The following TRMT11 variants were observed in gnomAD, a reference collection of about 807,000 sequenced individuals.
The protein encoded by TRMT11 is tRNA methyltransferase 11.
Under a neutral mutation model 62.8 loss-of-function variants are expected in TRMT11, and 53 were observed. The ratio of observed to expected loss-of-function variants is 0.84; its 90% confidence interval spans 0.68 to 1.06. The LOEUF (loss-of-function observed/expected upper bound fraction) is 1.06, where lower values mean the gene tolerates loss of function less well. TRMT11 is among the 50% of genes least tolerant of loss of function. The pLI, the probability that TRMT11 is intolerant of heterozygous loss-of-function variation, is 0.00. For missense variants in TRMT11, 556 were observed against 553.4 expected, an observed-to-expected ratio of 1.00 and a Z score of -0.05; for synonymous variants, 188 against 190.3, an observed-to-expected ratio of 0.99 and a Z score of 0.10.
chr6:126,078,271 G>A (rs1777076485), intron 17 of TRMT11, among the ~76,000 whole-genome samples: 1 of 152,168 alleles, frequency 6.6e-6, no homozygotes, highest in Non-Finnish European at 1.5e-5. Flanking sequence ...GCAGCCATAT[G>A]TAAATCATTC....
At chr6:126,071,041 G>A (rs756114331) in intron 17 of TRMT11, among the ~76,000 whole-genome samples, 3 of 152,196 alleles carry the variant, frequency 2.0e-5, no homozygotes, top group Admixed American at 1.3e-4. Context: ...TGAAGAACAT[G>A]TGGAAGAAGG....
At chr6:126,089,724 G>A (rs541082093) in intron 17 of TRMT11, among the ~76,000 whole-genome samples, 1 of 152,202 alleles carries the variant, frequency 6.6e-6, no homozygotes, top group African/African-American at 2.4e-5. Flanking sequence ...CTTAATTTAA[G>A]TTCAACTGTA....
the TRMT11 span, among the ~76,000 whole-genome samples, chr6:126,237,200 C>T: frequency 1.3e-5 from 2 of 152,074 alleles, no homozygotes; most frequent in African/African-American, 4.8e-5. Flanking sequence ...TGTTTCAGTG[C>T]CCTATAAAAC....
intron 17 of TRMT11, among the ~76,000 whole-genome samples, chr6:126,098,626 C>A (rs1777364607): frequency 6.6e-6 from 1 of 152,172 alleles, no homozygotes; most frequent in Non-Finnish European, 1.5e-5. Context: ...TTTCTTTATT[C>A]TCTTGTTAGA....
intron 17 of TRMT11, among the ~76,000 whole-genome samples, chr6:126,100,065 G>A (rs748818362): frequency 2.0e-5 from 3 of 152,124 alleles, no homozygotes; most frequent in South Asian, 4.2e-4. Flanking sequence ...CATGCCCACC[G>A]GTGACACTCT....
In TRMT11 at chr6:126,085,813, C is replaced by A. The variant is rs186510597; in HGVS notation, c.*1438-27053C>A. Among the ~76,000 whole-genome samples the A allele has an allele frequency of 2.0e-5, 3 of 152,254 alleles. No homozygotes were observed. In the East Asian group the frequency reaches 5.8e-4, roughly 29 times the overall value. On this transcript the variant is annotated intron_variant and NMD_transcript_variant, in intron 17 of 22. Transcript: ENST00000648977. ...ACACTCTGTACATCAGAATTGAATC[C>A]TAAAGAAATATGTACTTTGGGCGAT...
At chr6:126,052,574 A>G (rs1562307410) in intron 16 of TRMT11, among the ~76,000 whole-genome samples, 1 of 152,084 alleles carries the variant, frequency 6.6e-6, no homozygotes, top group Non-Finnish European at 1.5e-5. Flanking sequence ...ATATATCCTT[A>G]TGCATTTGGC....
chr6:126,231,699 G>A, the TRMT11 span, among the ~76,000 whole-genome samples: 1 of 152,260 alleles, frequency 6.6e-6, no homozygotes, highest in East Asian at 1.9e-4. Flanking sequence ...CTTACCTTGG[G>A]ATACTTTGCC....
At chr6:126,071,981 T>C (rs916252209) in intron 17 of TRMT11, among the ~76,000 whole-genome samples, 3 of 152,170 alleles carry the variant, frequency 2.0e-5, no homozygotes, top group African/African-American at 7.2e-5. Context: ...CTGATGCTGC[T>C]GCCACCAAAT....
chr6:126,251,648 G>A, the TRMT11 span, among the ~76,000 whole-genome samples: 1 of 152,100 alleles, frequency 6.6e-6, no homozygotes, highest in African/African-American at 2.4e-5. Flanking sequence ...CCAGCCCGTG[G>A]TAACCTCCAT....
At chr6:126,060,289 T>C (rs145409145) in intron 17 of TRMT11, among the ~76,000 whole-genome samples, 1 of 152,240 alleles carries the variant, frequency 6.6e-6, no homozygotes, top group East Asian at 1.9e-4. Context: ...ACATTGAGGA[T>C]TGTTTTCTCG....
the TRMT11 span, among the ~76,000 whole-genome samples, chr6:126,264,594 A>G: frequency 6.6e-6 from 1 of 152,186 alleles, no homozygotes; most frequent in Admixed American, 6.5e-5. Flanking sequence ...TCACTTTTAA[A>G]TCAATAGATA....
At chr6:126,155,019 C>G (rs574443561) in intron 21 of TRMT11, among the ~76,000 whole-genome samples, 1 of 152,260 alleles carries the variant, frequency 6.6e-6, no homozygotes, top group East Asian at 1.9e-4. Context: ...TGGGGTTGGT[C>G]TCTAAACTCA....
Position 125,995,995 on chromosome 6 carries a change from C to T in TRMT11, c.167C>T (p.Ser56Phe). 1 of 1,612,312 alleles carries T rather than the reference C, an allele frequency of 6.2e-7. No homozygotes were observed. Among genetic ancestry groups the T allele is most frequent in the Non-Finnish European group, 8.5e-7 (1 of 1,178,400 alleles). The change falls in exon 3 of 13, where the codon TCT (serine) becomes TTT (phenylalanine). Residue 56 changes from serine to phenylalanine, a missense_variant. By Grantham distance (155) the Ser-to-Phe change is radical. Transcript: ENST00000334379. ...KSPFWILSIP[S>F]EDIARNLMKR... ...CCATTTTGGATTCTTAGCATTCCCT[C>T]TGAAGATATTGCAAGAAATTTGATG...
intron 1 of TRMT11, among the ~76,000 whole-genome samples, chr6:126,193,490 ATTTTTTTTTTTTT>A (rs60064329): frequency 1.4e-5 from 1 of 73,276 alleles, no homozygotes; most frequent in African/African-American, 5.6e-5. Flanking sequence ...GCGTTTCTGT[ATTTTTTTTTTTTT>A]TTTTTTTTTT....
chr6:126,098,138 C>T (rs910767199), intron 17 of TRMT11, among the ~76,000 whole-genome samples: 2 of 152,126 alleles, frequency 1.3e-5, no homozygotes, highest in African/African-American at 4.8e-5. Flanking sequence ...TCCTCCCTGC[C>T]TTCCCTACCT....
intron 2 of TRMT11, 62 bp downstream of exon 2, chr6:125,993,884 G>A: frequency 1.1e-6 from 1 of 937,804 alleles, no homozygotes; most frequent in South Asian, 1.6e-5. Context: ...TGGGTTTGAA[G>A]AGAAGAAGTG....
upstream of TRMT11, among the ~76,000 whole-genome samples, chr6:126,176,414 CT>C (rs1175778442): frequency 0.11 from 16,777 of 152,108 alleles, 3,068 homozygotes; most frequent in African/African-American, 0.38. Flanking sequence ...TTGGAAATAA[CT>C]ATAGTCAGCT....
At chr6:126,019,599 A>AC (rs1238924985) in intron 11 of TRMT11, among the ~76,000 whole-genome samples, 1 of 152,184 alleles carries the variant, frequency 6.6e-6, no homozygotes, top group African/African-American at 2.4e-5. Flanking sequence ...TTAGTATATT[A>AC]CTTAGTTTGA....
Sources: allele counts gnomAD v4.1 joint callset (sites outside exome capture counted in the v4.1 genomes callset), GRCh38; gene constraint gnomAD v4.1.1; transcripts MANE v1.5; gene names NCBI Gene and HGNC (gene_info 2026-07-23, HGNC 2026-07-21).